ANKS1B: variants seen among roughly 807,000 people sequenced by gnomAD.
ANKS1B encodes the protein ankyrin repeat and sterile alpha motif domain containing 1B.
A neutral mutation model predicts 148.3 loss-of-function variants in ANKS1B; 36 were observed. The ratio of observed to expected loss-of-function variants is 0.24; its 90% CI spans 0.19 to 0.32. The LOEUF (loss-of-function observed/expected upper bound fraction) is 0.32, where lower values mean the gene tolerates loss of function less well. Ranked by LOEUF, ANKS1B falls within the 10% of genes least tolerant of loss-of-function variation. The pLI is 1.00. For missense variants in ANKS1B, 1,157 were observed against 1,542.6 expected, an observed-to-expected ratio of 0.75 and a Z score of 4.19; for synonymous variants, 542 against 560.8, an observed-to-expected ratio of 0.97 and a Z score of 0.47.
intron 4 of ANKS1B, among the ~76,000 whole-genome samples, chr12:99,794,490 C>CACACACAT (rs761141277): frequency 6.7e-6 from 1 of 149,554 alleles, no homozygotes; most frequent in Non-Finnish European, 1.5e-5. Flanking sequence ...CACACACACA[C>CACACACAT]ATTTTCTTGG....
At chr12:98,800,675 G>GATATATAT (rs3049844) in intron 21 of ANKS1B, among the ~76,000 whole-genome samples, 1,095 of 99,676 alleles carry the variant, frequency 0.011, 146 homozygotes, top group African/African-American at 0.034. Flanking sequence ...AGTGAGCAGA[G>GATATATAT]ATATATATAT....
intron 12 of ANKS1B, among the ~76,000 whole-genome samples, chr12:99,291,639 G>A (rs998436565): frequency 1.3e-5 from 2 of 152,078 alleles, no homozygotes; most frequent in Admixed American, 1.3e-4. Flanking sequence ...AAACACATTG[G>A]GGAAAGGACA....
chr12:98,930,827 C>A (rs948238859), intron 17 of ANKS1B, among the ~76,000 whole-genome samples: 2 of 152,102 alleles, frequency 1.3e-5, no homozygotes, highest in Admixed American at 6.6e-5. Context: ...GATGGTCACA[C>A]AACTCTGTGA....
intron 12 of ANKS1B, among the ~76,000 whole-genome samples, chr12:99,355,882 C>A (rs1032800209): frequency 1.3e-5 from 2 of 151,814 alleles, no homozygotes; most frequent in Admixed American, 1.3e-4. Context: ...ACCTACCCTT[C>A]GTAGTGTTTT....
intron 12 of ANKS1B, among the ~76,000 whole-genome samples, chr12:99,354,479 C>T (rs1288117008): frequency 6.6e-6 from 1 of 151,996 alleles, no homozygotes; most frequent in African/African-American, 2.4e-5. Context: ...ACTATTTCCT[C>T]ATGTTGAGTG....
At chr12:98,911,216 T>TA (rs1019360010) in intron 17 of ANKS1B, among the ~76,000 whole-genome samples, 1 of 152,074 alleles carries the variant, frequency 6.6e-6, no homozygotes, top group Non-Finnish European at 1.5e-5. Flanking sequence ...ACTCTGGGGT[T>TA]AAAAAAATGG....
At chr12:99,671,824 G>A (rs1463432905) in intron 8 of ANKS1B, among the ~76,000 whole-genome samples, 2 of 152,012 alleles carry the variant, frequency 1.3e-5, no homozygotes, top group Admixed American at 1.3e-4. Flanking sequence ...AATTTAAAAT[G>A]CTTCTTTTGT....
intron 17 of ANKS1B, among the ~76,000 whole-genome samples, chr12:98,959,182 G>A (rs571529191): frequency 6.6e-6 from 1 of 152,244 alleles, no homozygotes; most frequent in East Asian, 1.9e-4. Flanking sequence ...AATTTTACTG[G>A]CTATGTATAA....
At chr12:99,158,546 CA>C (rs923925617) in intron 14 of ANKS1B, among the ~76,000 whole-genome samples, 1 of 152,036 alleles carries the variant, frequency 6.6e-6, no homozygotes, top group African/African-American at 2.4e-5. Flanking sequence ...AAGCCCCAGT[CA>C]AAAAACTTAA....
At chr12:98,903,323 A>G (rs977977801) in intron 17 of ANKS1B, among the ~76,000 whole-genome samples, 14 of 152,108 alleles carry the variant, frequency 9.2e-5, no homozygotes, top group Non-Finnish European at 1.6e-4. Flanking sequence ...TCAACCTTAA[A>G]AGAGCTGGCC....
intron 17 of ANKS1B, among the ~76,000 whole-genome samples, chr12:98,977,580 C>T (rs532676805): frequency 6.6e-6 from 1 of 151,998 alleles, no homozygotes; most frequent in Admixed American, 6.6e-5. Flanking sequence ...GCTTAGAAAT[C>T]AAATAAAAAA....
In ANKS1B at chr12:99,504,990, C is replaced by T. The variant is rs534589935; in HGVS notation, c.1273-349G>A. Among the ~76,000 whole-genome samples, 3 of 152,096 alleles carry T rather than the reference C, an allele frequency of 2.0e-5. No homozygotes were observed. In the East Asian group the frequency reaches 5.8e-4, roughly 29 times the overall value. On this transcript the variant is annotated intron_variant, in intron 9 of 26. Coordinates refer to ENST00000683438, the MANE Select transcript of ANKS1B (RefSeq NM_001352186.2). ...CGGCCTCCTGGAGACACCCATATAACTCGGAGACACCCATATAACTCAACT... is the reference window on the plus strand; with the variant it reads ...CGGCCTCCTGGAGACACCCATATAATTCGGAGACACCCATATAACTCAACT...
At chr12:99,711,753 T>G (rs2056667686) in intron 8 of ANKS1B, among the ~76,000 whole-genome samples, 1 of 152,096 alleles carries the variant, frequency 6.6e-6, no homozygotes. Flanking sequence ...GGTGGGAATG[T>G]AAAATTAGTT....
At chr12:99,322,361 G>A (rs2152178181) in intron 12 of ANKS1B, among the ~76,000 whole-genome samples, 1 of 151,778 alleles carries the variant, frequency 6.6e-6, no homozygotes, top group South Asian at 2.1e-4. Context: ...TTGTGGGGTG[G>A]GGAATGAGGG....
intron 14 of ANKS1B, among the ~76,000 whole-genome samples, chr12:99,181,989 A>G (rs1392412306): frequency 6.6e-6 from 1 of 152,060 alleles, no homozygotes; most frequent in South Asian, 2.1e-4. Flanking sequence ...TCTGGTAACC[A>G]TATGTATTAG....
chr12:99,722,706 T>A lies in ANKS1B; in HGVS notation c.1128+50216A>T, dbSNP rs372167578. On this transcript the variant is annotated intron_variant, in intron 8 of 26. Transcript: ENST00000683438. Reference sequence around the variant, plus strand: ...CAGTAATTTTGACTTTCAAGTCTTATGTAAGAAATACAGGGTGGGACCAAG... The same window carrying A: ...CAGTAATTTTGACTTTCAAGTCTTAAGTAAGAAATACAGGGTGGGACCAAG... 1.1e-4 allele frequency among the ~76,000 whole-genome samples: 17 copies of A among 152,324 alleles called. 1 individual carries two copies. The highest frequency in any genetic ancestry group is 4.1e-4 in the African/African-American group (17 of 41,570).
chr12:99,969,249 G>A (rs1183444676), intron 1 of ANKS1B, among the ~76,000 whole-genome samples: 1 of 152,084 alleles, frequency 6.6e-6, no homozygotes, highest in Non-Finnish European at 1.5e-5. Context: ...CATGATCATA[G>A]CTCACTGTAG....
At chr12:99,112,914 A>G (rs1050935736) in intron 15 of ANKS1B, among the ~76,000 whole-genome samples, 1 of 152,358 alleles carries the variant, frequency 6.6e-6, no homozygotes, top group South Asian at 2.1e-4. Flanking sequence ...ATTGCTACAG[A>G]TAATGGGTTA....
intron 4 of ANKS1B, among the ~76,000 whole-genome samples, chr12:99,794,247 T>C (rs1032229025): frequency 5.9e-5 from 9 of 152,072 alleles, no homozygotes; most frequent in Non-Finnish European, 1.2e-4. Flanking sequence ...ACAACCACTA[T>C]GAAGAACAGT....
Sources: gnomAD v4.1 joint callset for allele counts (sites outside exome capture counted in the v4.1 genomes callset) on GRCh38, gnomAD v4.1.1 for gene constraint, MANE v1.5 for transcripts, NCBI Gene and HGNC (gene_info 2026-07-23, HGNC 2026-07-21) for gene names.